MYO7B: variants seen among roughly 807,000 people sequenced by gnomAD.
MYO7B encodes the protein unconventional myosin-VIIb.
In MYO7B, 212 loss-of-function variants were observed where a neutral mutation model predicts 259.7. The observed-to-expected ratio is 0.82, with a 90% CI of 0.73 to 0.91. The LOEUF is 0.91. Ranked by LOEUF, MYO7B falls within the 40% of genes least tolerant of loss-of-function variation. The pLI is 0.00. For synonymous variants in MYO7B, 1,197 were observed against 1,166.4 expected, an observed-to-expected ratio of 1.03 and a Z score of -0.54; for missense variants, 2,732 against 2,813.5, an observed-to-expected ratio of 0.97 and a Z score of 0.66.
At chr2:127,599,758 A>G (rs1285934522) in intron 19 of MYO7B, among the ~76,000 whole-genome samples, 2 of 152,166 alleles carry the variant, frequency 1.3e-5, no homozygotes, top group African/African-American at 4.8e-5. Flanking sequence ...TTCCTGCATC[A>G]GTTGATAATG....
Position 127,559,500 on chromosome 2 carries a change from A to G in MYO7B, c.-23-200A>G, listed in dbSNP as rs1231703312. ...AATACGTCTTCAATAAAGGTGACAT[A>G]GGATGAAGAAGCTGAGAACAGCTCT... On this transcript the variant is annotated intron_variant, in intron 1 of 47. Transcript: ENST00000409816. The surrounding 1 kb of genome is among the most constrained non-coding windows in gnomAD (Gnocchi z 4.1). 2.6e-5 allele frequency among the ~76,000 whole-genome samples: 4 copies of G among 152,206 alleles called. No individual in the cohort carries two copies. Among genetic ancestry groups the G allele is most frequent in the Non-Finnish European group, 5.9e-5 (4 of 68,042 alleles).
chr2:127,577,731 T>C lies in MYO7B; in HGVS notation c.850-402T>C, dbSNP rs1174230563. Among the ~76,000 whole-genome samples, 1 of 152,190 alleles carries C rather than the reference T, an allele frequency of 6.6e-6. No homozygotes were observed. Among genetic ancestry groups the C allele is most frequent in the Non-Finnish European group, 1.5e-5 (1 of 68,026 alleles). ...GGTCTGGGCACCTGTAACAGGCAAA[T>C]GGCCATGGCACGGTCACTGGCTCCC... On this transcript the variant is annotated intron_variant, in intron 8 of 47. Transcript: ENST00000409816. This position sits in a 1 kb window ranked among gnomAD's most constrained non-coding sequence, Gnocchi z 5.2.
intron 1 of MYO7B, among the ~76,000 whole-genome samples, chr2:127,551,688 C>G (rs779813102): frequency 2.6e-5 from 4 of 152,190 alleles, no homozygotes; most frequent in Non-Finnish European, 5.9e-5. Flanking sequence ...TGGAAGGATT[C>G]GTGTGGGCTG....
chr2:127,563,731 T>C (rs1678202612), intron 2 of MYO7B, among the ~76,000 whole-genome samples: 1 of 152,198 alleles, frequency 6.6e-6, no homozygotes, highest in African/African-American at 2.4e-5. Context: ...TAGTGCTCGT[T>C]TCTGTTTCTC....
intron 42 of MYO7B, 65 bp from the exon 43 acceptor site, chr2:127,635,053 TGG>T (rs1681725909): frequency 2.3e-6 from 3 of 1,282,872 alleles, no homozygotes; most frequent in Non-Finnish European, 3.3e-6. Flanking sequence ...GTGTGGGGGG[TGG>T]CAGGGGGTCA....
rs773181224 is a variant in MYO7B at position 127,592,884 on chromosome 2, T to C, written c.2083T>C (p.Tyr695His). Residue 695 changes from tyrosine (Y) to histidine (H), a missense_variant, in exon 17 of 48, where the codon TAC becomes CAC. Tyr to His is a moderately conservative substitution (Grantham distance 83, BLOSUM62 2). Coordinates refer to ENST00000409816, the MANE Select transcript of MYO7B (RefSeq NM_001393586.1). Reference sequence around the variant, plus strand: ...CCGCAAGTCGGGCTTCCCCATCCGCTACACGTTCGAGGAGTTCTCGCAGAG... The same window carrying C: ...CCGCAAGTCGGGCTTCCCCATCCGCCACACGTTCGAGGAGTTCTCGCAGAG... ...HIRKSGFPIR[Y>H]TFEEFSQRFG... 1 of 1,609,668 alleles carries C rather than the reference T, an allele frequency of 6.2e-7. No individual in the cohort carries two copies. The highest frequency in any genetic ancestry group is 1.1e-5 in the South Asian group (1 of 90,068).
Position 127,615,299 on chromosome 2 carries a change from A to G in MYO7B, c.3398+2696A>G, listed in dbSNP as rs193007588. 3.3e-5 allele frequency among the ~76,000 whole-genome samples: 5 copies of G among 152,268 alleles called. No homozygotes were observed. The highest frequency in any genetic ancestry group is 7.3e-5 in the Non-Finnish European group (5 of 68,028). On this transcript the variant is annotated intron_variant, in intron 26 of 47. Coordinates refer to ENST00000409816, the MANE Select transcript of MYO7B (RefSeq NM_001393586.1). This position sits in a 1 kb window ranked among gnomAD's most constrained non-coding sequence, Gnocchi z 4.4. Reference sequence around the variant, plus strand: ...ACTGCCATGGTTACTACTTGAGACCATTGCTACGATAGTTACTACTGTCAC... The same window carrying G: ...ACTGCCATGGTTACTACTTGAGACCGTTGCTACGATAGTTACTACTGTCAC...
intron 15 of MYO7B, 146 bp from the exon 16 acceptor site, chr2:127,589,946 G>T: frequency 1.2e-6 from 1 of 867,060 alleles, no homozygotes; most frequent in Non-Finnish European, 1.8e-6. Flanking sequence ...ATGGATACAT[G>T]GATGGGTGGG....
intron 47 of MYO7B, 97 bp from the exon 48 acceptor site, chr2:127,637,219 A>G (rs903944373): frequency 8.1e-6 from 8 of 988,394 alleles, no homozygotes; most frequent in African/African-American, 6.4e-5. Context: ...CATGCCCTGC[A>G]CTGCTGGTTG....
rs1419497357 is a variant in MYO7B at position 127,580,835 on chromosome 2, T to C, written c.1080+13T>C. 1 of 1,609,958 alleles carries C rather than the reference T, an allele frequency of 6.2e-7. No homozygotes were observed. The highest frequency in any genetic ancestry group is 2.2e-5 in the East Asian group (1 of 44,764). On this transcript the variant is annotated intron_variant, in intron 10 of 47. Coordinates refer to ENST00000409816, the MANE Select transcript of MYO7B (RefSeq NM_001393586.1). ...GAAGTTACTGGAGGTAGGGGTGCTG[T>C]GCCCACAGCTTCCATTTTGGTGGGG...
chr2:127,612,320 C>T lies in MYO7B; in HGVS notation c.3263C>T (p.Thr1088Ile), dbSNP rs929645637. ...AAGCTGAAGCGGTCCTCCCGGATCA[C>T]AGGCCAGGTGAGCCCAGAGCACAGA... ...SMKLKRSSRI[T>I]GQVASQLNIG... is the part of the protein sequence containing the mutation. The change falls in exon 25 of 48, where the codon ACA (threonine) becomes ATA (isoleucine). Residue 1088 changes from threonine (T) to isoleucine (I), a missense_variant. By Grantham distance (89) the Thr-to-Ile change is moderately conservative. This residue lies in a region of MYO7B where 1,906 missense variants were observed against 2,026.4 expected (regional missense o/e 0.94). Transcript: ENST00000409816. 1.1e-5 allele frequency: 11 copies of T among 1,043,574 alleles called. No individual in the cohort carries two copies. Among genetic ancestry groups the T allele is most frequent in the Middle Eastern group, 2.0e-4 (1 of 5,056 alleles). 64.6% of individuals were successfully genotyped at this position (1,043,574 alleles called of 1,614,324 possible). A position where few individuals can be genotyped will look rare whatever the true frequency, so the allele number is the denominator to read the frequency against.
chr2:127,558,388 A>C (rs1677915684), intron 1 of MYO7B, among the ~76,000 whole-genome samples: 2 of 152,236 alleles, frequency 1.3e-5, no homozygotes, highest in Admixed American at 6.5e-5. Flanking sequence ...ATGCTTCTAC[A>C]CTGCTGGTGG....
intron 6 of MYO7B, among the ~76,000 whole-genome samples, chr2:127,572,609 C>T (rs1039194552): frequency 6.7e-6 from 1 of 150,336 alleles, no homozygotes. Flanking sequence ...CTCCTTCTCT[C>T]TTTGTTTGTT....
rs376457783 is a variant in MYO7B, at chr2:127,636,669, C to T, written c.6207+41C>T. 1 of 1,607,904 alleles carries T rather than the reference C, an allele frequency of 6.2e-7. No homozygotes were observed. Among genetic ancestry groups the T allele is most frequent in the African/African-American group, 1.3e-5 (1 of 74,802 alleles). On this transcript the variant is annotated intron_variant, in intron 46 of 47. Coordinates refer to ENST00000409816, the MANE Select transcript of MYO7B (RefSeq NM_001393586.1). The surrounding 1 kb of genome is among the most constrained non-coding windows in gnomAD (Gnocchi z 4.5). ...CCGGAGGGGCTGGGGGCCACCAGGT[C>T]CAGGGACCTGTGCAGGTGGGGCTGC...
In MYO7B at chr2:127,597,930, G is replaced by A. The variant is rs1040303220; in HGVS notation, c.2339+1374G>A. ...TGGGATTGCAGGTGTGAGCCACTGC[G>A]CCCAGCCAGTATTTTGTTACTTTTT... is the stretch of plus-strand genomic sequence containing the variant. On this transcript the variant is annotated intron_variant, in intron 19 of 47. Coordinates refer to ENST00000409816, the MANE Select transcript of MYO7B (RefSeq NM_001393586.1). The surrounding 1 kb of genome is among the most constrained non-coding windows in gnomAD (Gnocchi z 4.8). Among the ~76,000 whole-genome samples the A allele has an allele frequency of 2.1e-4, 32 of 152,016 alleles. No individual in the cohort carries two copies. Among genetic ancestry groups the A allele is most frequent in the South Asian group, 1.5e-3 (7 of 4,814 alleles).
rs761938012 is a variant in MYO7B, at chr2:127,631,285, G to GAGCCGCTGCGAC, written c.5027_5038dup (p.Arg1676_Leu1679dup). ...TGGCCACCTGTGGGCCTATTCCTGC[G>GAGCCGCTGCGAC]AGCCGCTGCGACAGCCGCTGCTCAA... On this transcript the variant is annotated inframe_insertion, in exon 37 of 48. Transcript: ENST00000409816. 6.2e-7 allele frequency: 1 copy of GAGCCGCTGCGAC among 1,612,154 alleles called. No homozygotes were observed. Among genetic ancestry groups the GAGCCGCTGCGAC allele is most frequent in the East Asian group, 2.2e-5 (1 of 44,854 alleles).
Position 127,576,559 on chromosome 2 carries a change from C to T in MYO7B, c.736-36C>T. On this transcript the variant is annotated intron_variant, in intron 7 of 47. Coordinates refer to ENST00000409816, the MANE Select transcript of MYO7B (RefSeq NM_001393586.1). The surrounding 1 kb of genome is among the most constrained non-coding windows in gnomAD (Gnocchi z 4.9). ...GCCCTGAGGCCTCAGGGGAATGGCT[C>T]ATGAATCTGTCTGGAATGCCCTCCC... 1.4e-6 allele frequency: 2 copies of T among 1,403,584 alleles called. No individual in the cohort carries two copies. The highest frequency in any genetic ancestry group is 1.3e-5 in the South Asian group (1 of 79,036). 86.9% of individuals were successfully genotyped at this position (1,403,584 alleles called of 1,614,324 possible).
At chr2:127,616,774 C>G (rs551359106) in intron 26 of MYO7B, among the ~76,000 whole-genome samples, 21 of 152,312 alleles carry the variant, frequency 1.4e-4, no homozygotes, top group Non-Finnish European at 2.8e-4. Context: ...GGGGAATGCC[C>G]TCATTGTTTG....
chr2:127,559,637 G>T lies in MYO7B; in HGVS notation c.-23-63G>T. On this transcript the variant is annotated intron_variant, in intron 1 of 47. Transcript: ENST00000409816. This position sits in a 1 kb window ranked among gnomAD's most constrained non-coding sequence, Gnocchi z 4.1. ...GTTGGTGAACAAGCCCAGCTCCTGT[G>T]CTCCAGGGGCTCCTATTGGGGCTGT... The T allele has an allele frequency of 6.7e-7, 1 of 1,498,106 alleles. No homozygotes were observed. The allele number at this position is 1,498,106 out of a possible 1,614,324, so 92.8% of individuals were successfully genotyped here. A position where few individuals can be genotyped will look rare whatever the true frequency, so the allele number is the denominator to read the frequency against.
Sources: gnomAD v4.1 joint callset for allele counts (sites outside exome capture counted in the v4.1 genomes callset) on GRCh38, gnomAD v4.1.1 for gene constraint, gnomAD v4.1.1 regional missense constraint, Gnocchi (gnomAD v3.1) non-coding constraint, MANE v1.5 for transcripts, NCBI Gene and HGNC (gene_info 2026-07-23, HGNC 2026-07-21) for gene names.